HIF1A: variants seen among roughly 807,000 people sequenced by gnomAD.
HIF1A encodes the protein hypoxia inducible factor 1 subunit alpha, also known as hypoxia-inducible factor 1-alpha.
In HIF1A, 24 loss-of-function variants were observed where a neutral mutation model predicts 92.7. That is an observed-to-expected ratio of 0.26 (90% CI 0.19 to 0.36). The LOEUF (loss-of-function observed/expected upper bound fraction) is 0.36. Among genes scored for constraint, HIF1A ranks in the 10% least tolerant of loss-of-function variants. The pLI, the probability that HIF1A is intolerant of heterozygous loss-of-function variation, is 1.00. For synonymous variants in HIF1A, 319 were observed against 338.7 expected, an observed-to-expected ratio of 0.94 and a Z score of 0.64; for missense variants, 799 against 998.5, an observed-to-expected ratio of 0.80 and a Z score of 2.69.
At chr14:61,744,909 C>A in intron 13 of HIF1A, 96 bp downstream of exon 13, 1 of 534,236 alleles carries the variant, frequency 1.9e-6, no homozygotes, top group South Asian at 3.2e-5. Context: ...ACGTTTCTTC[C>A]AAATAGTAAA....
At chr14:61,732,360 AT>A in intron 6 of HIF1A, 57 bp from the exon 7 acceptor site, 6 of 1,134,930 alleles carry the variant, frequency 5.3e-6, no homozygotes, top group Non-Finnish European at 7.9e-6. Context: ...GAGGAGAAAA[AT>A]TTTTCTTTAT....
In HIF1A at chr14:61,735,701, T is replaced by C. The variant is rs544262959; in HGVS notation, c.1029-1188T>C. ...TTAAGCCAAACGTGAAGATAAACTA[T>C]TGCTCATCATCCCTCTTCAGCCGTA... is the stretch of plus-strand genomic sequence containing the variant. On this transcript the variant is annotated intron_variant, in intron 8 of 14. Coordinates refer to ENST00000337138, the MANE Select transcript of HIF1A (RefSeq NM_001530.4). Among the ~76,000 whole-genome samples the C allele has an allele frequency of 2.7e-3, 411 of 152,352 alleles. 4 individuals carry two copies. The highest frequency in any genetic ancestry group is 9.1e-3 in the African/African-American group (380 of 41,580).
chr14:61,732,787 G>A (rs2044592383), intron 7 of HIF1A, among the ~76,000 whole-genome samples: 3 of 152,146 alleles, frequency 2.0e-5, no homozygotes, highest in African/African-American at 4.8e-5. Flanking sequence ...ATAGAGTATT[G>A]AATAGCATAA....
intron 13 of HIF1A, 52 bp downstream of exon 13, chr14:61,744,865 G>A (rs752122696): frequency 1.0e-4 from 11 of 110,450 alleles, no homozygotes; most frequent in Admixed American, 2.2e-4. Context: ...TATTTCGTGT[G>A]TGTGTGTGTG....
At chr14:61,732,942 G>C (rs2044594000) in intron 7 of HIF1A, among the ~76,000 whole-genome samples, 1 of 152,180 alleles carries the variant, frequency 6.6e-6, no homozygotes. Context: ...TAAGTGCATA[G>C]TTAGGTATTT....
chr14:61,700,676 G>A (rs1169255398), intron 1 of HIF1A, among the ~76,000 whole-genome samples: 1 of 152,134 alleles, frequency 6.6e-6, no homozygotes, highest in Non-Finnish European at 1.5e-5. Flanking sequence ...GGATCATATG[G>A]TAACCCTTTT....
At chr14:61,704,615 T>C (rs1440234852) in intron 1 of HIF1A, among the ~76,000 whole-genome samples, 1 of 152,228 alleles carries the variant, frequency 6.6e-6, no homozygotes, top group Non-Finnish European at 1.5e-5. Flanking sequence ...TAAATGGTTA[T>C]AGTGTCAAAC....
rs976412868 is a variant in HIF1A, at chr14:61,742,974, C to T, written c.2094-1731C>T. Among the ~76,000 whole-genome samples, 6 of 148,462 alleles carry T rather than the reference C, an allele frequency of 4.0e-5. No individual in the cohort carries two copies. The East Asian group carries it at 1.0e-3, about 25-fold the overall frequency. ...ACAATCACTTATAAGTTACAGTTTACTATCAGCTACAGAGGATGGGATATC... is the reference window on the plus strand; with the variant it reads ...ACAATCACTTATAAGTTACAGTTTATTATCAGCTACAGAGGATGGGATATC... On this transcript the variant is annotated intron_variant, in intron 12 of 14. Coordinates refer to ENST00000337138, the MANE Select transcript of HIF1A (RefSeq NM_001530.4).
chr14:61,703,217 A>ATGTATTTTTGCTTTGTATT (rs1298676487), intron 1 of HIF1A, among the ~76,000 whole-genome samples: 1 of 152,176 alleles, frequency 6.6e-6, no homozygotes, highest in East Asian at 1.9e-4. Context: ...AAAGCTTTCA[A>ATGTATTTTTGCTTTGTATT]TGTAATTGCC....
intron 1 of HIF1A, among the ~76,000 whole-genome samples, chr14:61,702,273 C>CAAAAAAAAAAAA (rs34312928): frequency 9.8e-6 from 1 of 101,960 alleles, no homozygotes; most frequent in African/African-American, 4.2e-5. Context: ...ACTAAAAATA[C>CAAAAAAAAAAAA]AAAAAAAAAA....
chr14:61,706,054 C>T (rs574492957), intron 1 of HIF1A, among the ~76,000 whole-genome samples: 1 of 152,188 alleles, frequency 6.6e-6, no homozygotes, highest in Non-Finnish European at 1.5e-5. Flanking sequence ...TCTACATACA[C>T]ACAAAGTTTA....
At chr14:61,697,928 ATT>A in intron 1 of HIF1A, 1 of 1,519,934 alleles carries the variant, frequency 6.6e-7, no homozygotes, top group Non-Finnish European at 8.8e-7. Flanking sequence ...AACCTGAAGA[ATT>A]GGAAGAAATC....
At chr14:61,730,972 T>G (rs1472117789) in intron 6 of HIF1A, among the ~76,000 whole-genome samples, 2 of 152,186 alleles carry the variant, frequency 1.3e-5, no homozygotes, top group Non-Finnish European at 2.9e-5. Context: ...TTGCTGTGTT[T>G]AGAGATGTCC....
At chr14:61,743,134 G>A (rs543195250) in intron 12 of HIF1A, among the ~76,000 whole-genome samples, 12 of 152,070 alleles carry the variant, frequency 7.9e-5, no homozygotes, top group African/African-American at 2.4e-4. Context: ...GCGTGATCTC[G>A]GATCTTGGCT....
intron 1 of HIF1A, among the ~76,000 whole-genome samples, chr14:61,703,368 A>G (rs950559330): frequency 6.6e-5 from 10 of 152,224 alleles, no homozygotes; most frequent in Non-Finnish European, 1.0e-4. Context: ...GTAGCAAAAT[A>G]CAACTCAATC....
chr14:61,700,782 T>A (rs1441124606), intron 1 of HIF1A, among the ~76,000 whole-genome samples: 1 of 152,250 alleles, frequency 6.6e-6, no homozygotes, highest in Non-Finnish European at 1.5e-5. Flanking sequence ...CTCCACATCC[T>A]TCTAAACACT....
chr14:61,699,849 T>C (rs1255698855), intron 1 of HIF1A, among the ~76,000 whole-genome samples: 1 of 152,182 alleles, frequency 6.6e-6, no homozygotes, highest in African/African-American at 2.4e-5. Context: ...TCAGTATTTT[T>C]GGTAAAAATA....
intron 10 of HIF1A, among the ~76,000 whole-genome samples, chr14:61,738,829 C>T (rs2044671346): frequency 2.6e-5 from 4 of 152,198 alleles, no homozygotes; most frequent in South Asian, 4.1e-4. Context: ...CTCAACCTCC[C>T]AGGCTCAAAT....
chr14:61,747,172 G>A lies in HIF1A; in HGVS notation c.*87G>A. On this transcript the variant is annotated 3_prime_UTR_variant, in exon 15 of 15. Coordinates refer to ENST00000337138, the MANE Select transcript of HIF1A (RefSeq NM_001530.4). ...TTTATATTTTCTACATCTAATTTTA[G>A]AAGCCTGGCTACAATACTGCACAAA... The A allele has an allele frequency of 8.3e-7, 1 of 1,210,054 alleles. No individual in the cohort carries two copies. Among genetic ancestry groups the A allele is most frequent in the Non-Finnish European group, 1.2e-6 (1 of 868,244 alleles). 75.0% of individuals were successfully genotyped at this position (1,210,054 alleles called of 1,614,324 possible). A position where few individuals can be genotyped will look rare whatever the true frequency, so the allele number is the denominator to read the frequency against.
Sources: allele counts gnomAD v4.1 joint callset (sites outside exome capture counted in the v4.1 genomes callset), GRCh38; gene constraint gnomAD v4.1.1; transcripts MANE v1.5; gene names NCBI Gene and HGNC (gene_info 2026-07-23, HGNC 2026-07-21).